Variants in ACACA observed in about 807,000 individuals in gnomAD.
ACACA encodes acetyl-CoA carboxylase alpha, also known as acetyl-CoA carboxylase 1.
In ACACA, 103 loss-of-function variants were observed where a neutral mutation model predicts 296.1. The observed-to-expected ratio is 0.35, with a 90% CI of 0.30 to 0.41. The LOEUF (loss-of-function observed/expected upper bound fraction) is 0.41, where lower values mean the gene tolerates loss of function less well. Ranked by LOEUF, ACACA falls within the 10% of genes least tolerant of loss-of-function variation. The pLI is 1.00. For synonymous variants in ACACA, 953 were observed against 1,038.6 expected, an observed-to-expected ratio of 0.92 and a Z score of 1.58; for missense variants, 1,554 against 2,989.7, an observed-to-expected ratio of 0.52 and a Z score of 11.20.
chr17:37,275,691 C>T (rs34196517), intron 8 of ACACA, among the ~76,000 whole-genome samples: 72,804 of 151,578 alleles, frequency 0.48, 19,464 homozygotes, highest in East Asian at 0.75. Flanking sequence ...AAACCATATA[C>T]ATGTTTTCCC....
At chr17:37,328,127 A>C (rs2047703121) in intron 3 of ACACA, among the ~76,000 whole-genome samples, 1 of 152,256 alleles carries the variant, frequency 6.6e-6, no homozygotes, top group Non-Finnish European at 1.5e-5. Flanking sequence ...CTAGTTATAT[A>C]ATTAAGACAC....
chr17:37,121,613 T>C (rs956328860), intron 49 of ACACA, 123 bp from the exon 50 acceptor site: 1 of 1,239,872 alleles, frequency 8.1e-7, no homozygotes, highest in African/African-American at 1.5e-5. Context: ...CAAAAACTAT[T>C]GTTCATCAAG....
At position 37,111,619 on chromosome 17, in the gene ACACA, C is replaced by G. The variant is rs775687988; in HGVS notation, c.6477G>C (p.Gly2159=). The G allele has an allele frequency of 1.2e-6, 2 of 1,614,116 alleles. No homozygotes were observed. Among genetic ancestry groups the G allele is most frequent in the East Asian group, 2.2e-5 (1 of 44,882 alleles). Residue 2159 remains glycine (G), a synonymous_variant, in exon 52 of 56, where the codon GGG becomes GGC. Transcript: ENST00000616317. ...ESRGSVLEPE[G]TVEIKFRRKD... Reference sequence around the variant, plus strand: ...TTCTGCGGAATTTGATTTCTACTGTCCCTTCTGGCTCCAGAACAGATCCCC... The same window carrying G: ...TTCTGCGGAATTTGATTTCTACTGTGCCTTCTGGCTCCAGAACAGATCCCC...
intron 52 of ACACA, among the ~76,000 whole-genome samples, chr17:37,102,587 T>C (rs904309140): frequency 1.3e-5 from 2 of 152,196 alleles, no homozygotes; most frequent in African/African-American, 2.4e-5. Flanking sequence ...TTAAATGGTA[T>C]TGAAGGCTGG....
At chr17:37,270,683 T>C (rs2082028895) in intron 10 of ACACA, 68 bp downstream of exon 10, 1 of 1,189,494 alleles carries the variant, frequency 8.4e-7, no homozygotes, top group Non-Finnish European at 1.2e-6. Context: ...CAAATTATAG[T>C]ATGAGTTAAA....
chr17:37,390,304 T>TTA (rs1189193698), intron 1 of ACACA, among the ~76,000 whole-genome samples: 2,459 of 17,928 alleles, frequency 0.14, 204 homozygotes, highest in Non-Finnish European at 0.16. Flanking sequence ...TTATACATAA[T>TTA]TATATATATA....
chr17:37,092,208 C>T (rs1385637205), intron 54 of ACACA, among the ~76,000 whole-genome samples: 1 of 150,896 alleles, frequency 6.6e-6, no homozygotes, highest in Non-Finnish European at 1.5e-5. Flanking sequence ...TCACATGAGC[C>T]CAGGAGGTTG....
At chr17:37,192,327 A>G (rs773556289) in intron 36 of ACACA, 22 bp from the exon 37 acceptor site, 4 of 1,608,798 alleles carry the variant, frequency 2.5e-6, no homozygotes, top group Non-Finnish European at 3.4e-6. Flanking sequence ...AATCAGAGAA[A>G]AAACAGCTCA....
intron 1 of ACACA, among the ~76,000 whole-genome samples, chr17:37,382,816 C>T (rs1385880126): frequency 2.0e-5 from 3 of 152,088 alleles, no homozygotes; most frequent in African/African-American, 7.2e-5. Flanking sequence ...GCTGAGATCA[C>T]GCCACTGCAC....
chr17:37,244,291 A>C (rs2080578252), intron 21 of ACACA, among the ~76,000 whole-genome samples: 1 of 151,912 alleles, frequency 6.6e-6, no homozygotes, highest in South Asian at 2.1e-4. Context: ...ACTTGAACCC[A>C]GGAGGTGGAG....
intron 41 of ACACA, among the ~76,000 whole-genome samples, chr17:37,177,877 T>G (rs1023297987): frequency 6.6e-6 from 1 of 152,222 alleles, no homozygotes; most frequent in African/African-American, 2.4e-5. Context: ...GGTCCAATGC[T>G]TGCATCCATC....
At chr17:37,284,719 A>G in intron 4 of ACACA, 119 bp downstream of exon 4, 1 of 1,349,866 alleles carries the variant, frequency 7.4e-7, no homozygotes, top group Middle Eastern at 2.0e-4. Context: ...AAATTCACAT[A>G]AAGAGGCAAA....
intron 2 of ACACA, among the ~76,000 whole-genome samples, chr17:37,333,622 C>A (rs545103288): frequency 5.3e-5 from 8 of 151,862 alleles, no homozygotes; most frequent in Admixed American, 1.3e-4. Flanking sequence ...AAACCCTTCA[C>A]CAAACCCTTC....
chr17:37,345,370 A>C (rs1775520962), intron 1 of ACACA: 1 of 152,222 alleles, frequency 6.6e-6, no homozygotes. Flanking sequence ...CCTTCTTCGG[A>C]GAATCTGACC....
intron 26 of ACACA, among the ~76,000 whole-genome samples, chr17:37,225,774 C>G (rs1490352756): frequency 1.3e-5 from 2 of 152,344 alleles, no homozygotes; most frequent in African/African-American, 2.4e-5. Flanking sequence ...TCAAATGCTG[C>G]TTCCTTGTCA....
At chr17:37,129,965 TA>T (rs1408417523) in intron 46 of ACACA, 109 bp downstream of exon 46, 22 of 1,434,168 alleles carry the variant, frequency 1.5e-5, no homozygotes, top group Admixed American at 8.5e-5. Flanking sequence ...AAATATTTTA[TA>T]AAAAAATTCC....
chr17:37,241,793 C>A (rs1316030054), intron 23 of ACACA, among the ~76,000 whole-genome samples, 160 bp downstream of exon 23: 1 of 152,054 alleles, frequency 6.6e-6, no homozygotes, highest in African/African-American at 2.4e-5. Context: ...AGTTAGCTCA[C>A]AATTCTAAGA....
At chr17:37,108,987 T>C (rs2073842252) in intron 52 of ACACA, among the ~76,000 whole-genome samples, 1 of 152,164 alleles carries the variant, frequency 6.6e-6, no homozygotes, top group Non-Finnish European at 1.5e-5. Flanking sequence ...CTGATGTACA[T>C]TTATTTATTT....
chr17:37,130,968 C>A, intron 45 of ACACA, among the ~76,000 whole-genome samples: 1 of 146,300 alleles, frequency 6.8e-6, no homozygotes, highest in East Asian at 2.3e-4. Flanking sequence ...ACCACAATTA[C>A]TTTTGCACCA....
Sources: gnomAD v4.1 joint callset for allele counts (sites outside exome capture counted in the v4.1 genomes callset) on GRCh38, gnomAD v4.1.1 for gene constraint, MANE v1.5 for transcripts, NCBI Gene and HGNC (gene_info 2026-07-23, HGNC 2026-07-21) for gene names.